RIMKLA: variants seen among roughly 807,000 people sequenced by gnomAD.
RIMKLA encodes N-acetylaspartylglutamate synthase A.
In RIMKLA, 14 loss-of-function variants were observed where a neutral mutation model predicts 32.7. The observed-to-expected ratio is 0.43, with a 90% CI of 0.28 to 0.67. The LOEUF is 0.67. RIMKLA is among the 30% of genes least tolerant of loss of function. RIMKLA has a pLI of 0.18. For synonymous variants in RIMKLA, 176 were observed against 204.1 expected (o/e 0.86, Z 1.18); for missense variants, 410 against 519.0 (o/e 0.79, Z 2.04).
In RIMKLA at chr1:42,410,206, G is replaced by A. The variant is rs1377060127; in HGVS notation, c.685+19G>A. 1.2e-6 allele frequency: 2 copies of A among 1,602,994 alleles called. No individual in the cohort carries two copies. Among genetic ancestry groups the A allele is most frequent in the Non-Finnish European group, 1.7e-6 (2 of 1,170,132 alleles). On this transcript the variant is annotated intron_variant, in intron 4 of 4. Coordinates refer to ENST00000431473, the MANE Select transcript of RIMKLA (RefSeq NM_173642.4). The stretch of plus-strand genomic sequence containing the variant: ...TCTCTCGGTAAGGTATAAAAGCACA[G>A]GGTTTTATTAGGGTATTTGGACCCA...
intron 1 of RIMKLA, among the ~76,000 whole-genome samples, chr1:42,383,640 TTGATATTATTTACCA>T (rs1642910510): frequency 1.3e-5 from 2 of 152,226 alleles, no homozygotes; most frequent in Non-Finnish European, 2.9e-5. Flanking sequence ...TATGATGATA[TTGATATTATTTACCA>T]TTTGAGAACT....
chr1:42,386,602 G>A (rs2148383450), intron 1 of RIMKLA, among the ~76,000 whole-genome samples: 1 of 150,898 alleles, frequency 6.6e-6, no homozygotes, highest in East Asian at 1.9e-4. Context: ...TTGGGGGGGT[G>A]CTGTGGCAGG....
At chr1:42,388,360 A>C (rs1221958681) in intron 1 of RIMKLA, among the ~76,000 whole-genome samples, 1 of 151,918 alleles carries the variant, frequency 6.6e-6, no homozygotes, top group African/African-American at 2.4e-5. Flanking sequence ...ACACACCACC[A>C]CACCCAGCTA....
intron 4 of RIMKLA, among the ~76,000 whole-genome samples, chr1:42,413,501 C>CAAAAAAAAAAAA (rs201462707): frequency 4.8e-5 from 6 of 125,564 alleles, no homozygotes; most frequent in South Asian, 2.8e-4. Flanking sequence ...AAGAGTCTCT[C>CAAAAAAAAAAAA]AAAAAAAAAA....
At chr1:42,393,929 C>T (rs1208312188) in intron 1 of RIMKLA, among the ~76,000 whole-genome samples, 10 of 152,122 alleles carry the variant, frequency 6.6e-5, no homozygotes, top group East Asian at 3.9e-4. Flanking sequence ...GGATTACAGG[C>T]GCCTGCCACC....
chr1:42,396,138 A>T (rs1258717522), intron 1 of RIMKLA, among the ~76,000 whole-genome samples: 3 of 144,656 alleles, frequency 2.1e-5, no homozygotes, highest in African/African-American at 7.6e-5. Flanking sequence ...TGGGAGGCTG[A>T]GGCAGGAGAA....
intron 2 of RIMKLA, among the ~76,000 whole-genome samples, chr1:42,403,032 A>G (rs1169951544): frequency 6.6e-6 from 1 of 152,174 alleles, no homozygotes; most frequent in East Asian, 1.9e-4. Flanking sequence ...GCCCCACTGT[A>G]CCTACAAAAC....
chr1:42,399,266 G>A, intron 1 of RIMKLA, 138 bp from the exon 2 acceptor site: 2 of 621,628 alleles, frequency 3.2e-6, no homozygotes, highest in Non-Finnish European at 5.7e-6. Context: ...GAGTTTCCTT[G>A]TACACCAGGA....
intron 1 of RIMKLA, among the ~76,000 whole-genome samples, chr1:42,385,674 T>C (rs987557442): frequency 1.3e-5 from 2 of 152,150 alleles, no homozygotes; most frequent in African/African-American, 2.4e-5. Flanking sequence ...AGATCCTTCA[T>C]GGATCTCAAA....
rs139115972 is a variant in RIMKLA, at chr1:42,406,419, T to C, written c.481+1822T>C. Among the ~76,000 whole-genome samples the C allele has an allele frequency of 2.0e-4, 31 of 152,338 alleles. No homozygotes were observed. In the East Asian group the frequency reaches 5.6e-3, roughly 27 times the overall value. On this transcript the variant is annotated intron_variant, in intron 3 of 4. Transcript: ENST00000431473. ...CTGGCAACCACTGACCTATTATTAA[T>C]AATACTTTCTGTTACTATAGATTTG...
At chr1:42,401,713 T>C (rs935945210) in intron 2 of RIMKLA, among the ~76,000 whole-genome samples, 2 of 152,050 alleles carry the variant, frequency 1.3e-5, no homozygotes, top group Non-Finnish European at 2.9e-5. Flanking sequence ...AGTTAGGAAA[T>C]GGAAACAGTG....
Position 42,381,050 on chromosome 1 carries a change from C to T in RIMKLA, c.116C>T (p.Ala39Val). 3 of 1,329,036 alleles carry T rather than the reference C, an allele frequency of 2.3e-6. No individual in the cohort carries two copies. The highest frequency in any genetic ancestry group is 2.9e-6 in the Non-Finnish European group (3 of 1,036,964). The allele number at this position is 1,329,036 out of a possible 1,614,324, so 82.3% of individuals were successfully genotyped here. A position where few individuals can be genotyped will look rare whatever the true frequency, so the allele number is the denominator to read the frequency against. Residue 39 changes from alanine to valine, a missense_variant, in exon 1 of 5, where the codon GCG becomes GTG. Coordinates refer to ENST00000431473, the MANE Select transcript of RIMKLA (RefSeq NM_173642.4). ...TCCGAGCAGGACGTGCGCTTCCGGG[C>T]GGTGCTTATGGACCAGATCGCCGTC... ...RCSEQDVRFR[A>V]VLMDQIAVTI...
intron 1 of RIMKLA, among the ~76,000 whole-genome samples, chr1:42,389,813 C>CA (rs201863495): frequency 1.7e-4 from 25 of 144,320 alleles, no homozygotes; most frequent in South Asian, 8.8e-4. Flanking sequence ...GACGCCATCT[C>CA]AAAAAAAAAA....
intron 2 of RIMKLA, among the ~76,000 whole-genome samples, chr1:42,402,810 C>CATAT (rs1643111972): frequency 6.6e-6 from 1 of 152,080 alleles, no homozygotes; most frequent in Admixed American, 6.6e-5. Flanking sequence ...AGGCTGGTCT[C>CATAT]AAACTCCTGA....
intron 2 of RIMKLA, among the ~76,000 whole-genome samples, chr1:42,402,945 C>T (rs1643113171): frequency 6.6e-6 from 1 of 152,026 alleles, no homozygotes; most frequent in African/African-American, 2.4e-5. Context: ...CTTCTAACTA[C>T]AGAACTGTAT....
In RIMKLA at chr1:42,414,865, G is replaced by T. The variant is rs757013970; in HGVS notation, c.1067G>T (p.Gly356Val). The T allele has an allele frequency of 6.2e-7, 1 of 1,614,174 alleles. No homozygotes were observed. The highest frequency in any genetic ancestry group is 8.5e-7 in the Non-Finnish European group (1 of 1,180,030). ...STSSESEPEL[G>V]EIRDSSASTM... is the part of the protein sequence containing the mutation. ...TCTAGTGAAAGTGAGCCTGAACTGG[G>T]AGAGATCCGGGATTCCTCAGCAAGC... Residue 356 changes from glycine to valine, a missense_variant, in exon 5 of 5, where the codon GGA (glycine) becomes GTA (valine). Transcript: ENST00000431473.
Position 42,422,772 on chromosome 1 carries a change from C to T in RIMKLA, c.*7798C>T, listed in dbSNP as rs992114194. 3.3e-5 allele frequency among the ~76,000 whole-genome samples: 5 copies of T among 152,180 alleles called. No homozygotes were observed. Among genetic ancestry groups the T allele is most frequent in the Admixed American group, 6.5e-5 (1 of 15,278 alleles). ...GAAAAACTATAATTTTCCTTTCAAA[C>T]GCAGAGTGCCGTCTGAATTGTAATA... On this transcript the variant is annotated 3_prime_UTR_variant, in exon 5 of 5. Coordinates refer to ENST00000431473, the MANE Select transcript of RIMKLA (RefSeq NM_173642.4).
intron 1 of RIMKLA, among the ~76,000 whole-genome samples, chr1:42,385,589 A>C (rs1260785032): frequency 1.3e-5 from 2 of 152,086 alleles, no homozygotes; most frequent in African/African-American, 4.8e-5. Context: ...GTGGATGTTT[A>C]GTTTATGTTT....
At chr1:42,402,029 A>G (rs1229926350) in intron 2 of RIMKLA, among the ~76,000 whole-genome samples, 1 of 152,190 alleles carries the variant, frequency 6.6e-6, no homozygotes, top group Non-Finnish European at 1.5e-5. Flanking sequence ...TATCAGCGGG[A>G]TGGCGGGAAG....
Sources: gnomAD v4.1 joint callset for allele counts (sites outside exome capture counted in the v4.1 genomes callset) on GRCh38, gnomAD v4.1.1 for gene constraint, MANE v1.5 for transcripts, NCBI Gene and HGNC (gene_info 2026-07-23, HGNC 2026-07-21) for gene names.